AEBP2: variants seen among roughly 807,000 people sequenced by gnomAD.
The protein encoded by AEBP2 is AE binding protein 2, also known as zinc finger protein AEBP2.
In AEBP2, 10 loss-of-function variants were observed where a neutral mutation model predicts 50.8. That is an observed-to-expected ratio of 0.20 (90% CI 0.12 to 0.33). AEBP2 has a LOEUF of 0.33. Ranked by LOEUF, AEBP2 falls within the 10% of genes least tolerant of loss-of-function variation. The probability of loss-of-function intolerance (pLI) is 1.00; values close to 1 mark genes in which losing one functional copy is unlikely to be tolerated. For synonymous variants in AEBP2, 296 were observed against 261.3 expected (o/e 1.13, Z -1.28); for missense variants, 570 against 688.0 (o/e 0.83, Z 1.92).
chr12:19,448,878 G>A (rs915072018), intron 1 of AEBP2, among the ~76,000 whole-genome samples: 5 of 151,986 alleles, frequency 3.3e-5, no homozygotes, highest in South Asian at 2.1e-4. Flanking sequence ...TGGGGTCTCC[G>A]TGTGTTGCCC....
intron 2 of AEBP2, among the ~76,000 whole-genome samples, chr12:19,471,384 T>C (rs1948570787): frequency 6.6e-6 from 1 of 151,952 alleles, no homozygotes; most frequent in African/African-American, 2.4e-5. Flanking sequence ...TCCAAAGTGC[T>C]GGGGTTAGAG....
intron 1 of AEBP2, among the ~76,000 whole-genome samples, chr12:19,424,404 C>CT (rs1449716961): frequency 1.5e-4 from 22 of 148,084 alleles, no homozygotes; most frequent in African/African-American, 2.5e-4. Context: ...GTCTTTTTTT[C>CT]TTTTTTTTTT....
intron 4 of AEBP2, among the ~76,000 whole-genome samples, chr12:19,497,961 T>C (rs1277837589): frequency 6.6e-6 from 1 of 152,242 alleles, no homozygotes; most frequent in African/African-American, 2.4e-5. Context: ...TTACGTACTC[T>C]AATGGATCAT....
intron 3 of AEBP2, among the ~76,000 whole-genome samples, chr12:19,484,232 C>T (rs1240681709): frequency 1.4e-5 from 2 of 146,400 alleles, no homozygotes; most frequent in African/African-American, 2.5e-5. Flanking sequence ...TACAGGCAGG[C>T]ACCACAACGC....
chr12:19,510,551 C>CA (rs1555188048), intron 5 of AEBP2, among the ~76,000 whole-genome samples: 1 of 151,980 alleles, frequency 6.6e-6, no homozygotes, highest in Non-Finnish European at 1.5e-5. Context: ...AATGAGTAAT[C>CA]AAAAAATGAA....
chr12:19,447,268 A>G (rs1045421101), intron 1 of AEBP2, among the ~76,000 whole-genome samples: 4 of 152,184 alleles, frequency 2.6e-5, no homozygotes, highest in African/African-American at 9.6e-5. Flanking sequence ...TCCCTAGTTC[A>G]CATTCAAGTC....
At chr12:19,495,567 A>G (rs181406556) in intron 4 of AEBP2, among the ~76,000 whole-genome samples, 405 of 140,700 alleles carry the variant, frequency 2.9e-3, no homozygotes, top group African/African-American at 0.01. Context: ...TTTTTGATAC[A>G]GGGTCTTACT....
intron 1 of AEBP2, among the ~76,000 whole-genome samples, chr12:19,410,015 A>G (rs2095738431): frequency 6.6e-6 from 1 of 152,152 alleles, no homozygotes; most frequent in South Asian, 2.1e-4. Flanking sequence ...ATTTCAACCC[A>G]TAGCTTTTTT....
At chr12:19,478,313 T>C (rs1948680351) in intron 3 of AEBP2, among the ~76,000 whole-genome samples, 1 of 152,202 alleles carries the variant, frequency 6.6e-6, no homozygotes, top group Non-Finnish European at 1.5e-5. Flanking sequence ...TCTTTTTTTT[T>C]GAGACAGAGT....
At chr12:19,406,205 A>G (rs1048347211) in intron 1 of AEBP2, among the ~76,000 whole-genome samples, 2 of 151,800 alleles carry the variant, frequency 1.3e-5, no homozygotes, top group Non-Finnish European at 2.9e-5. Flanking sequence ...ACCTCAAGTG[A>G]TCCACTGCCT....
At chr12:19,412,812 A>C (rs2095740056) in intron 1 of AEBP2, among the ~76,000 whole-genome samples, 1 of 150,822 alleles carries the variant, frequency 6.6e-6, no homozygotes, top group South Asian at 2.2e-4. Context: ...CGCAGTGCAA[A>C]GTGAAAGCAA....
intron 1 of AEBP2, chr12:19,457,596 G>A (rs1487717292): frequency 6.8e-5 from 100 of 1,480,100 alleles, no homozygotes; most frequent in Non-Finnish European, 8.8e-5. Context: ...GGACTTGTAC[G>A]AATCTACGTG....
At chr12:19,474,704 A>G (rs1002303166) in intron 3 of AEBP2, among the ~76,000 whole-genome samples, 3 of 152,050 alleles carry the variant, frequency 2.0e-5, no homozygotes, top group Admixed American at 6.6e-5. Context: ...GTTTTTCTAT[A>G]TACTTGTTTT....
chr12:19,471,188 A>T (rs1356633569), intron 2 of AEBP2, among the ~76,000 whole-genome samples: 1 of 147,126 alleles, frequency 6.8e-6, no homozygotes, highest in Non-Finnish European at 1.5e-5. Context: ...TGATTATAGC[A>T]GTTCATTGTA....
At chr12:19,413,942 G>T in intron 1 of AEBP2, among the ~76,000 whole-genome samples, 1 of 150,752 alleles carries the variant, frequency 6.6e-6, no homozygotes, top group Non-Finnish European at 1.5e-5. Flanking sequence ...CACCCAGGCT[G>T]GAGTGCAGCG....
At chr12:19,473,763 A>ATT (rs879296667) in intron 3 of AEBP2, among the ~76,000 whole-genome samples, 3,231 of 152,272 alleles carry the variant, frequency 0.021, 41 homozygotes, top group East Asian at 0.042. Flanking sequence ...CATAATTAAA[A>ATT]GCTCCTCTAA....
At chr12:19,476,055 T>A (rs1948645423) in intron 3 of AEBP2, among the ~76,000 whole-genome samples, 2 of 152,178 alleles carry the variant, frequency 1.3e-5, no homozygotes, top group African/African-American at 4.8e-5. Flanking sequence ...GTGCAGAAGC[T>A]TTTTAGTTTA....
In AEBP2 at chr12:19,424,960, G is replaced by C. The variant is rs140870975; in HGVS notation, c.-17+20744G>C. 1.3e-3 allele frequency among the ~76,000 whole-genome samples: 199 copies of C among 152,232 alleles called. 1 individual carries two copies. Among genetic ancestry groups the C allele is most frequent in the South Asian group, 2.9e-3 (14 of 4,820 alleles). Reference sequence around the variant, plus strand: ...GGAGGTGGAGGTTGCATTGAGCTGAGATTGAGCCACTGCACTCTAGCCAGG... The same window carrying C: ...GGAGGTGGAGGTTGCATTGAGCTGACATTGAGCCACTGCACTCTAGCCAGG... On this transcript the variant is annotated intron_variant, in intron 1 of 3. Transcript: ENST00000538425.
At chr12:19,435,208 C>T (rs1260335385), upstream of AEBP2, among the ~76,000 whole-genome samples, 1 of 151,508 alleles carries the variant, frequency 6.6e-6, no homozygotes, top group East Asian at 1.9e-4. Context: ...TTACTGAAAG[C>T]CTGGACCTCC....
Sources: gnomAD v4.1 joint callset for allele counts (sites outside exome capture counted in the v4.1 genomes callset) on GRCh38, gnomAD v4.1.1 for gene constraint, MANE v1.5 for transcripts, NCBI Gene and HGNC (gene_info 2026-07-23, HGNC 2026-07-21) for gene names.